The following MED27 variants were observed in gnomAD, a reference collection of about 807,000 sequenced individuals.
The protein encoded by MED27 is mediator of RNA polymerase II transcription subunit 27.
MED27 carries 30 observed loss-of-function variants against 38.2 expected under a neutral mutation model. The observed-to-expected ratio is 0.79, with a 90% CI of 0.59 to 1.07. The LOEUF (loss-of-function observed/expected upper bound fraction) is 1.07. Among genes scored for constraint, MED27 ranks in the 50% least tolerant of loss-of-function variants. The pLI, the probability that MED27 is intolerant of heterozygous loss-of-function variation, is 0.00. For missense variants in MED27, 289 were observed against 397.5 expected, an observed-to-expected ratio of 0.73 and a Z score of 2.32; for synonymous variants, 122 against 153.5, an observed-to-expected ratio of 0.79 and a Z score of 1.52.
intron 3 of MED27, 129 bp from the exon 4 acceptor site, chr9:131,939,603 T>A (rs1218137207): frequency 4.0e-6 from 2 of 506,098 alleles, no homozygotes; most frequent in East Asian, 7.0e-5. Context: ...AGAAGGCAAA[T>A]AGAATTAGAA....
In MED27 at chr9:131,904,538, T is replaced by TGG. The variant is rs141721664; in HGVS notation, c.574-10547_574-10546insCC. The stretch of plus-strand genomic sequence containing the variant: ...CTTTTCTTTTTTTTTTAAATAGAGA[T>TGG]CGGGGGGGAGCGGTCTCACTATGTT... On this transcript the variant is annotated intron_variant, in intron 4 of 7. Transcript: ENST00000292035. 1.5e-3 allele frequency among the ~76,000 whole-genome samples: 210 copies of TGG among 144,774 alleles called. 1 individual carries two copies. Among genetic ancestry groups the TGG allele is most frequent in the African/African-American group, 5.5e-3 (199 of 36,376 alleles). 95.0% of individuals were successfully genotyped at this position (144,774 alleles called of 152,430 possible).
At chr9:131,961,802 C>G (rs967982873) in intron 3 of MED27, among the ~76,000 whole-genome samples, 3 of 151,786 alleles carry the variant, frequency 2.0e-5, no homozygotes, top group Non-Finnish European at 4.4e-5. Context: ...CCTTCTTCTG[C>G]TCTCTCTCTC....
At chr9:132,021,284 A>T (rs943633275) in intron 2 of MED27, among the ~76,000 whole-genome samples, 2 of 152,214 alleles carry the variant, frequency 1.3e-5, no homozygotes, top group Non-Finnish European at 2.9e-5. Flanking sequence ...TCCTGTTTAC[A>T]CTACAGCTGT....
At chr9:131,876,729 G>A (rs981438546) in intron 6 of MED27, among the ~76,000 whole-genome samples, 23 of 152,130 alleles carry the variant, frequency 1.5e-4, no homozygotes, top group African/African-American at 5.3e-4. Flanking sequence ...GTCTGCCGCC[G>A]CTCCTTCCCT....
chr9:131,923,359 CAT>C (rs968118604), intron 4 of MED27, among the ~76,000 whole-genome samples: 2 of 152,180 alleles, frequency 1.3e-5, no homozygotes, highest in African/African-American at 2.4e-5. Flanking sequence ...CTAGAATACA[CAT>C]AGTTTCAGAA....
At chr9:131,868,942 G>C in intron 6 of MED27, 1 of 985,484 alleles carries the variant, frequency 1.0e-6, no homozygotes, top group African/African-American at 1.7e-5. Context: ...GGAGCCATGC[G>C]CCACAGCCCT....
intron 2 of MED27, among the ~76,000 whole-genome samples, chr9:132,072,092 A>G (rs1384427960): frequency 1.3e-5 from 2 of 152,240 alleles, no homozygotes; most frequent in Non-Finnish European, 2.9e-5. Context: ...GTACACATGC[A>G]TATGAGTAAC....
rs186013881 is a variant in MED27 at position 131,936,616 on chromosome 9, G to A, written c.573+2765C>T. On this transcript the variant is annotated intron_variant, in intron 4 of 7. Coordinates refer to ENST00000292035, the MANE Select transcript of MED27 (RefSeq NM_004269.4). ...ACAGGGATGGAAGGCGGTTAATACG[G>A]AATCATTTGGGCCATGGGGCCCCCT... 3.0e-3 allele frequency among the ~76,000 whole-genome samples: 461 copies of A among 152,342 alleles called. 3 individuals are homozygous for A. Among genetic ancestry groups the A allele is most frequent in the African/African-American group, 0.01 (433 of 41,596 alleles).
intron 2 of MED27, among the ~76,000 whole-genome samples, chr9:132,075,560 G>A (rs1834028288): frequency 6.6e-6 from 1 of 152,022 alleles, no homozygotes; most frequent in Non-Finnish European, 1.5e-5. Flanking sequence ...TGTGGGGCAA[G>A]GGTGGGGGTT....
chr9:131,971,329 C>T (rs1188321217), intron 3 of MED27, among the ~76,000 whole-genome samples: 1 of 152,154 alleles, frequency 6.6e-6, no homozygotes, highest in Non-Finnish European at 1.5e-5. Context: ...TTGGAGATTT[C>T]CCGGAACAGC....
intron 3 of MED27, among the ~76,000 whole-genome samples, chr9:131,980,575 T>C (rs1018730898): frequency 6.6e-6 from 1 of 152,198 alleles, no homozygotes; most frequent in Non-Finnish European, 1.5e-5. Context: ...TCTTCACTTA[T>C]CAGGAAGCAT....
intron 5 of MED27, among the ~76,000 whole-genome samples, chr9:131,891,572 C>A (rs1463763397): frequency 1.3e-5 from 2 of 152,224 alleles, no homozygotes; most frequent in East Asian, 1.9e-4. Flanking sequence ...ACCCACTGAA[C>A]TTTCTCTAAC....
At chr9:131,927,843 A>G (rs913495052) in intron 4 of MED27, among the ~76,000 whole-genome samples, 4 of 152,118 alleles carry the variant, frequency 2.6e-5, no homozygotes, top group Non-Finnish European at 5.9e-5. Flanking sequence ...GAGACTCCCA[A>G]TTACAGACTG....
intron 1 of MED27, among the ~76,000 whole-genome samples, chr9:132,078,541 C>T (rs1420860668): frequency 6.6e-6 from 1 of 151,960 alleles, no homozygotes. Context: ...CGGATGTGGG[C>T]GTTGAGGAGG....
intron 2 of MED27, among the ~76,000 whole-genome samples, chr9:132,064,376 C>A (rs532222535): frequency 6.6e-6 from 1 of 152,288 alleles, no homozygotes; most frequent in Non-Finnish European, 1.5e-5. Flanking sequence ...AAAGGAATAA[C>A]AAATATGTAG....
intron 3 of MED27, among the ~76,000 whole-genome samples, chr9:131,993,619 G>C (rs11243591): frequency 0.12 from 17,954 of 152,232 alleles, 1,211 homozygotes; most frequent in South Asian, 0.18. Context: ...CCCTGGCCAA[G>C]GTCTAGTTTA....
intron 3 of MED27, among the ~76,000 whole-genome samples, chr9:131,990,761 C>G (rs1298788171): frequency 1.3e-5 from 2 of 152,208 alleles, no homozygotes; most frequent in Non-Finnish European, 2.9e-5. Flanking sequence ...ATTAGTGCAG[C>G]AGCTGTGGCT....
At chr9:132,077,248 C>G (rs764263042) in intron 2 of MED27, among the ~76,000 whole-genome samples, 194 bp downstream of exon 2, 3 of 152,214 alleles carry the variant, frequency 2.0e-5, no homozygotes, top group Admixed American at 6.5e-5. Context: ...ATCACCTGAA[C>G]ATCATGAATC....
chr9:131,937,084 T>A (rs1247235457), intron 4 of MED27, among the ~76,000 whole-genome samples: 1 of 152,186 alleles, frequency 6.6e-6, no homozygotes, highest in East Asian at 1.9e-4. Context: ...CAGTAGGTAG[T>A]GGGGGAGGTG....
Sources: allele counts gnomAD v4.1 joint callset (sites outside exome capture counted in the v4.1 genomes callset), GRCh38; gene constraint gnomAD v4.1.1; transcripts MANE v1.5; gene names NCBI Gene and HGNC (gene_info 2026-07-23, HGNC 2026-07-21).